The following ANKLE2 variants were observed in gnomAD, a reference collection of about 807,000 sequenced individuals.
ANKLE2 encodes ankyrin repeat and LEM domain containing 2, also known as ankyrin repeat and LEM domain-containing protein 2.
Under a neutral mutation model 84.2 loss-of-function variants are expected in ANKLE2, and 55 were observed. The ratio of observed to expected loss-of-function variants is 0.65; its 90% CI spans 0.53 to 0.82. The LOEUF is 0.82. ANKLE2 is among the 40% of genes least tolerant of loss of function. The pLI, the probability that ANKLE2 is intolerant of heterozygous loss-of-function variation, is 0.00. For synonymous variants in ANKLE2, 551 were observed against 486.1 expected (o/e 1.13, Z -1.76); for missense variants, 1,238 against 1,201.9 (o/e 1.03, Z -0.44).
chr12:132,754,657 T>C lies in ANKLE2; in HGVS notation c.640+18A>G. 6.3e-7 allele frequency: 1 copy of C among 1,579,112 alleles called. No individual in the cohort carries two copies. The highest frequency in any genetic ancestry group is 8.6e-7 in the Non-Finnish European group (1 of 1,160,124). Reference sequence around the variant, plus strand: ...ATGTGCTATCTGTGTGAGGAAATCCTACACACGGTCCCATTACCATTTCTC... The same window carrying C: ...ATGTGCTATCTGTGTGAGGAAATCCCACACACGGTCCCATTACCATTTCTC... On this transcript the variant is annotated intron_variant, in intron 2 of 12. Transcript: ENST00000357997.
chr12:132,747,550 C>T (rs959395316), intron 5 of ANKLE2, among the ~76,000 whole-genome samples: 3 of 152,190 alleles, frequency 2.0e-5, no homozygotes, highest in Middle Eastern at 3.2e-3. Flanking sequence ...GTGTCCTGTT[C>T]GGCAGAGGAA....
chr12:132,745,113 G>C (rs1245103949), intron 5 of ANKLE2: 2 of 152,542 alleles, frequency 1.3e-5, no homozygotes, highest in Non-Finnish European at 2.9e-5. Flanking sequence ...CCATCACTCG[G>C]CTCCCACAGC....
In ANKLE2 at chr12:132,725,838, T is replaced by C. The variant is rs2136094419; in HGVS notation, c.*1404A>G. Reference sequence around the variant, plus strand: ...TTTAGAATAGCATGTGTTGTTTCTGTCTGGGATCTAGATCTTGTCTGCTAC... The same window carrying C: ...TTTAGAATAGCATGTGTTGTTTCTGCCTGGGATCTAGATCTTGTCTGCTAC... On this transcript the variant is annotated 3_prime_UTR_variant, in exon 13 of 13. Transcript: ENST00000357997. The C allele has an allele frequency of 6.6e-6, 1 of 152,384 alleles. No homozygotes were observed. The highest frequency in any genetic ancestry group is 1.5e-5 in the Non-Finnish European group (1 of 68,036). The allele number at this position is 152,384 out of a possible 1,614,324, so 9.4% of individuals were successfully genotyped here.
chr12:132,748,101 G>C (rs1047019586), intron 4 of ANKLE2, 37 bp downstream of exon 4: 2 of 1,609,150 alleles, frequency 1.2e-6, no homozygotes, highest in South Asian at 1.1e-5. Context: ...GAACGGCCGG[G>C]ACCGCACACC....
chr12:132,728,391 G>A (rs1392383419), intron 11 of ANKLE2, among the ~76,000 whole-genome samples: 1 of 152,074 alleles, frequency 6.6e-6, no homozygotes, highest in African/African-American at 2.4e-5. Flanking sequence ...ACCACGCCCG[G>A]CTAATTTTTT....
chr12:132,752,421 A>G (rs1339719473), intron 2 of ANKLE2, among the ~76,000 whole-genome samples: 6 of 152,066 alleles, frequency 3.9e-5, no homozygotes, highest in Admixed American at 3.9e-4. Flanking sequence ...CTTTTTTTTG[A>G]GATGGAATCT....
At chr12:132,730,560 C>A in intron 10 of ANKLE2, 1 of 397,972 alleles carries the variant, frequency 2.5e-6, no homozygotes, top group South Asian at 6.5e-5. Flanking sequence ...CAGAAGCTCA[C>A]GCCTGCAATC....
At position 132,747,868 on chromosome 12, in the gene ANKLE2, G is replaced by T; in HGVS notation, c.1194C>A (p.Tyr398Ter). 6.2e-7 allele frequency: 1 copy of T among 1,610,778 alleles called. No homozygotes were observed. The highest frequency in any genetic ancestry group is 8.5e-7 in the Non-Finnish European group (1 of 1,179,212). ...DEAMLQKRIR[Y>*]VVDLYLNTPD... is the part of the protein sequence containing the mutation. ...GGGTGTTGAGGTACAGGTCCACCAC[G>T]TAACGGATACGCTTCTGCAGCATGG... is the stretch of plus-strand genomic sequence containing the variant. Residue 398 changes from tyrosine to a stop codon, truncating the protein, a stop_gained, in exon 5 of 13, where the codon TAC becomes TAA. Transcript: ENST00000357997. LOFTEE classifies it high-confidence loss of function.
intron 1 of ANKLE2, chr12:132,756,988 A>T (rs1299043383): frequency 6.6e-6 from 1 of 152,182 alleles, no homozygotes; most frequent in Admixed American, 6.6e-5. Flanking sequence ...ATAAACAAAA[A>T]GATGGGGGAG....
Position 132,737,046 on chromosome 12 carries a change from G to A in ANKLE2, c.1440C>T (p.Leu480=), listed in dbSNP as rs1472413377. 1.9e-6 allele frequency: 3 copies of A among 1,605,634 alleles called. No homozygotes were observed. The highest frequency in any genetic ancestry group is 1.7e-6 in the Non-Finnish European group (2 of 1,173,852). Residue 480 remains leucine, a synonymous_variant, in exon 8 of 13, where the codon CTC becomes CTT. Transcript: ENST00000357997. ...EYLKGHYYVP[L]LRAEETSSPV... The stretch of plus-strand genomic sequence containing the variant: ...GAGAAGAAGTCTCTTCCGCTCTCAG[G>A]AGGGGCACGTAGTAGTGGCCTGAGG...
chr12:132,742,184 TAC>T (rs71856305), intron 6 of ANKLE2: 22,554 of 192,288 alleles, frequency 0.12, 1,669 homozygotes, highest in African/African-American at 0.16. Flanking sequence ...GAAGTACAGA[TAC>T]ACACACACAC....
chr12:132,754,361 A>G, intron 2 of ANKLE2, among the ~76,000 whole-genome samples: 1 of 152,242 alleles, frequency 6.6e-6, no homozygotes, highest in East Asian at 1.9e-4. Context: ...GTTACACTGC[A>G]TTTTAAAAAG....
At chr12:132,737,108 C>T (rs778917773) in intron 7 of ANKLE2, 43 bp from the exon 8 acceptor site, 28 of 1,546,704 alleles carry the variant, frequency 1.8e-5, no homozygotes, top group Non-Finnish European at 2.6e-6. Context: ...TCCGCCCCCT[C>T]CGCAGGTCAG....
chr12:132,739,306 C>T (rs961392496), intron 7 of ANKLE2, among the ~76,000 whole-genome samples: 1 of 152,104 alleles, frequency 6.6e-6, no homozygotes, highest in Non-Finnish European at 1.5e-5. Flanking sequence ...ACTGAAGGTA[C>T]TGAAGAATTT....
chr12:132,753,924 C>G (rs1160413256), intron 2 of ANKLE2, among the ~76,000 whole-genome samples: 2 of 152,014 alleles, frequency 1.3e-5, no homozygotes, highest in Non-Finnish European at 2.9e-5. Context: ...GAGTAACACC[C>G]TGTTTCAGAT....
At chr12:132,732,338 G>A (rs372706722) in intron 10 of ANKLE2, 8 of 127,810 alleles carry the variant, frequency 6.3e-5, no homozygotes, top group Non-Finnish European at 6.6e-5. Flanking sequence ...CGCACCGTGT[G>A]AAGCTCTCTG....
At chr12:132,740,656 G>C (rs2044101114) in intron 7 of ANKLE2, among the ~76,000 whole-genome samples, 1 of 152,080 alleles carries the variant, frequency 6.6e-6, no homozygotes, top group Non-Finnish European at 1.5e-5. Flanking sequence ...GGCGCTTCTA[G>C]AAGTGTCATC....
In ANKLE2 at chr12:132,743,368, C is replaced by CA. The variant is rs1456015915; in HGVS notation, c.1231-93dup. On this transcript the variant is annotated intron_variant, in intron 5 of 12. Transcript: ENST00000357997. The surrounding 1 kb of genome is among the most constrained non-coding windows in gnomAD (Gnocchi z 4.1). ...ATACATATTCATTCATTCATTCATTCATTTATTTATTTTGAGACGGAGTCT... is the reference window on the plus strand; with the variant it reads ...ATACATATTCATTCATTCATTCATTCAATTTATTTATTTTGAGACGGAGTCT... 8 of 1,407,664 alleles carry CA rather than the reference C, an allele frequency of 5.7e-6. No individual in the cohort carries two copies. In the African/African-American group the frequency reaches 1.2e-4, roughly 21 times the overall value. 87.2% of individuals were successfully genotyped at this position (1,407,664 alleles called of 1,614,324 possible). A position where few individuals can be genotyped will look rare whatever the true frequency, so the allele number is the denominator to read the frequency against.
intron 8 of ANKLE2, among the ~76,000 whole-genome samples, chr12:132,736,573 G>GT (rs2044013388): frequency 6.6e-6 from 1 of 151,978 alleles, no homozygotes. Context: ...CCAGCAAGGT[G>GT]CCTAGGACGG....
Sources: gnomAD v4.1 joint callset for allele counts (sites outside exome capture counted in the v4.1 genomes callset) on GRCh38, gnomAD v4.1.1 for gene constraint, Gnocchi (gnomAD v3.1) non-coding constraint, MANE v1.5 for transcripts, NCBI Gene and HGNC (gene_info 2026-07-23, HGNC 2026-07-21) for gene names.